PHF3: variants seen among roughly 807,000 people sequenced by gnomAD.
PHF3 encodes PHD finger protein 3.
In PHF3, 41 loss-of-function variants were observed where a neutral mutation model predicts 178.4. That is an observed-to-expected ratio of 0.23 (90% CI 0.18 to 0.30). The LOEUF (loss-of-function observed/expected upper bound fraction) is 0.30. Among genes scored for constraint, PHF3 ranks in the 10% least tolerant of loss-of-function variants. The pLI, the probability that PHF3 is intolerant of heterozygous loss-of-function variation, is 1.00. For synonymous variants in PHF3, 842 were observed against 800.5 expected (o/e 1.05, Z -0.88); for missense variants, 2,346 against 2,398.1 (o/e 0.98, Z 0.45).
intron 5 of PHF3, among the ~76,000 whole-genome samples, chr6:63,694,281 A>G (rs1365271301): frequency 1.3e-5 from 2 of 152,222 alleles, no homozygotes; most frequent in Non-Finnish European, 2.9e-5. Flanking sequence ...TTGTTTTAGA[A>G]TATAGATACT....
At chr6:63,664,313 C>T (rs1022764921) in intron 2 of PHF3, among the ~76,000 whole-genome samples, 1 of 152,130 alleles carries the variant, frequency 6.6e-6, no homozygotes, top group Non-Finnish European at 1.5e-5. Context: ...CAGATAAAGT[C>T]CAGTTCTCTG....
rs1303786861 is a variant in PHF3 at position 63,684,542 on chromosome 6, A to G, written c.820A>G (p.Met274Val). 6.2e-7 allele frequency: 1 copy of G among 1,613,670 alleles called. No homozygotes were observed. ...TGGAGAAAAGAAAAATGAAGCTTTG[A>G]TGGAATGTAAAGCCAAGCCTGTTGG... ...TIGEKKNEAL[M>V]ECKAKPVGSP... Residue 274 changes from methionine (M) to valine (V), a missense_variant, in exon 4 of 16, where the codon ATG becomes GTG. Around this residue, in one of 8 missense-constraint regions of PHF3, gnomAD observed 843 missense variants for 795.2 expected, o/e 1.06. Transcript: ENST00000262043.
In PHF3 at chr6:63,725,335, G is replaced by A. The variant is rs997402554; in HGVS notation, c.*11627G>A. ...ATATTTCATATACACAAACAAATAT[G>A]TATCGTTGTACTGATTATAAAACTG... On this transcript the variant is annotated 3_prime_UTR_variant, in exon 16 of 16. Coordinates refer to ENST00000262043, the MANE Select transcript of PHF3 (RefSeq NM_001370348.2). Among the ~76,000 whole-genome samples the A allele has an allele frequency of 6.6e-6, 1 of 151,734 alleles. No individual in the cohort carries two copies. Among genetic ancestry groups the A allele is most frequent in the Non-Finnish European group, 1.5e-5 (1 of 67,956 alleles).
intron 6 of PHF3, among the ~76,000 whole-genome samples, 193 bp downstream of exon 6, chr6:63,694,957 G>A (rs984224173): frequency 6.6e-6 from 1 of 152,094 alleles, no homozygotes; most frequent in African/African-American, 2.4e-5. Context: ...CTGGGGAAGC[G>A]CTAGTGAAAT....
At chr6:63,656,810 T>C (rs959230699) in intron 2 of PHF3, among the ~76,000 whole-genome samples, 8 of 152,210 alleles carry the variant, frequency 5.3e-5, no homozygotes, top group Non-Finnish European at 1.5e-5. Flanking sequence ...AATATCACTT[T>C]TCCTTCAAAT....
intron 1 of PHF3, among the ~76,000 whole-genome samples, chr6:63,641,565 TG>T (rs1764579308): frequency 6.7e-6 from 1 of 149,238 alleles, no homozygotes; most frequent in African/African-American, 2.5e-5. Context: ...TGTGTGTGTG[TG>T]TGTTTTAGGA....
chr6:63,674,852 AT>A (rs1260393564), intron 2 of PHF3, among the ~76,000 whole-genome samples: 1 of 152,218 alleles, frequency 6.6e-6, no homozygotes, highest in African/African-American at 2.4e-5. Context: ...TGCTGCCTGC[AT>A]AATTAACGCA....
chr6:63,683,434 G>T (rs1766528668), intron 3 of PHF3, among the ~76,000 whole-genome samples: 1 of 152,152 alleles, frequency 6.6e-6, no homozygotes, highest in Admixed American at 6.5e-5. Flanking sequence ...GGACTATTAG[G>T]AGCATTGTGT....
rs1768274651 is a variant in PHF3, at chr6:63,719,022, C to T, written c.*5314C>T. On this transcript the variant is annotated 3_prime_UTR_variant, in exon 16 of 16. Coordinates refer to ENST00000262043, the MANE Select transcript of PHF3 (RefSeq NM_001370348.2). ...TTGATGGAGTTGTTTTAAGTGGTTT[C>T]CGTTAAAAAAACAAACCTTTGAATC... 6.6e-6 allele frequency among the ~76,000 whole-genome samples: 1 copy of T among 151,938 alleles called. No individual in the cohort carries two copies. Among genetic ancestry groups the T allele is most frequent in the Non-Finnish European group, 1.5e-5 (1 of 67,936 alleles).
At chr6:63,691,433 A>T (rs890114555) in intron 4 of PHF3, among the ~76,000 whole-genome samples, 1 of 152,114 alleles carries the variant, frequency 6.6e-6, no homozygotes, top group Non-Finnish European at 1.5e-5. Flanking sequence ...GTTATTGTTT[A>T]TAGTATTCAA....
intron 3 of PHF3, among the ~76,000 whole-genome samples, chr6:63,683,139 T>G (rs1027395531): frequency 2.6e-5 from 4 of 152,040 alleles, no homozygotes; most frequent in African/African-American, 9.7e-5. Context: ...GTCTCTAAGA[T>G]AAGGATGACT....
intron 2 of PHF3, among the ~76,000 whole-genome samples, chr6:63,674,611 TCTC>T (rs1324111951): frequency 1.3e-5 from 2 of 151,976 alleles, no homozygotes; most frequent in East Asian, 3.9e-4. Flanking sequence ...AGACTGGTGA[TCTC>T]CTGCGATGTT....
At chr6:63,677,171 G>GC (rs1298399664) in intron 2 of PHF3, among the ~76,000 whole-genome samples, 14 of 152,224 alleles carry the variant, frequency 9.2e-5, no homozygotes, top group African/African-American at 2.6e-4. Flanking sequence ...CTCTTCTGAA[G>GC]GTCTCATGAG....
chr6:63,641,302 C>T (rs1252859962), intron 1 of PHF3, among the ~76,000 whole-genome samples: 2 of 152,148 alleles, frequency 1.3e-5, no homozygotes, highest in Non-Finnish European at 2.9e-5. Flanking sequence ...GAGGCCTTCA[C>T]TTACTATCAT....
At chr6:63,667,746 A>G (rs1188171766) in intron 2 of PHF3, among the ~76,000 whole-genome samples, 2 of 152,224 alleles carry the variant, frequency 1.3e-5, no homozygotes, top group Non-Finnish European at 1.5e-5. Context: ...AGGTAAGACC[A>G]AATGTCTCTT....
At chr6:63,672,974 A>AG (rs745405563) in intron 2 of PHF3, among the ~76,000 whole-genome samples, 2 of 152,138 alleles carry the variant, frequency 1.3e-5, no homozygotes, top group Non-Finnish European at 2.9e-5. Flanking sequence ...GAGGCACCCT[A>AG]GGAGTCTCTC....
intron 1 of PHF3, among the ~76,000 whole-genome samples, chr6:63,638,724 G>T (rs1183298622): frequency 6.6e-6 from 1 of 152,018 alleles, no homozygotes; most frequent in Admixed American, 6.5e-5. Flanking sequence ...CTTGGGCTCT[G>T]TTTCTCTTAT....
In PHF3 at chr6:63,724,924, A is replaced by G. The variant is rs1486836968; in HGVS notation, c.*11216A>G. On this transcript the variant is annotated 3_prime_UTR_variant, in exon 16 of 16. Transcript: ENST00000262043. ...CTATGAAGACTTGGTTAATGTTTAC[A>G]TCAGGCACAGTTCTTAGAGAAGGTA... Among the ~76,000 whole-genome samples, 1 of 152,152 alleles carries G rather than the reference A, an allele frequency of 6.6e-6. No individual in the cohort carries two copies. Among genetic ancestry groups the G allele is most frequent in the Non-Finnish European group, 1.5e-5 (1 of 67,986 alleles).
rs370046747 is a variant in PHF3 at position 63,684,907 on chromosome 6, A to G, written c.1185A>G (p.Lys395=). 3 of 1,613,966 alleles carry G rather than the reference A, an allele frequency of 1.9e-6. No individual in the cohort carries two copies. Among genetic ancestry groups the G allele is most frequent in the African/African-American group, 2.7e-5 (2 of 74,910 alleles). The change falls in exon 4 of 16, where the codon AAA becomes AAG. Residue 395 remains lysine (K), a synonymous_variant. Transcript: ENST00000262043. ...CTGAGAACACCCTTGAAAGAAATAA[A>G]ATTGAACCGTTGGGTTATTGTGAAG... ...DKTENTLERN[K]IEPLGYCEDA...
Sources: allele counts gnomAD v4.1 joint callset (sites outside exome capture counted in the v4.1 genomes callset), GRCh38; gene constraint gnomAD v4.1.1; regional missense constraint gnomAD v4.1.1; transcripts MANE v1.5; gene names NCBI Gene and HGNC (gene_info 2026-07-23, HGNC 2026-07-21).